The following RGS12 variants were observed in gnomAD, a reference collection of about 807,000 sequenced individuals.
RGS12 encodes regulator of G-protein signaling 12.
A neutral mutation model predicts 120.1 loss-of-function variants in RGS12; 66 were observed. The observed-to-expected ratio is 0.55, with a 90% CI of 0.45 to 0.67. RGS12 has a LOEUF of 0.67. Among genes scored for constraint, RGS12 ranks in the 30% least tolerant of loss-of-function variants. The pLI, the probability that RGS12 is intolerant of heterozygous loss-of-function variation, is 0.00. For missense variants in RGS12, 1,859 were observed against 1,957.7 expected (o/e 0.95, Z 0.95); for synonymous variants, 827 against 804.7 (o/e 1.03, Z -0.47).
At chr4:3,417,696 G>C in intron 9 of RGS12, 155 bp downstream of exon 9, 1 of 745,612 alleles carries the variant, frequency 1.3e-6, no homozygotes, top group Non-Finnish European at 2.1e-6. Flanking sequence ...AATAAGGAAT[G>C]CCGCTGTGTC....
At chr4:3,394,834 C>T (rs1481428096) in intron 4 of RGS12, among the ~76,000 whole-genome samples, 2 of 152,032 alleles carry the variant, frequency 1.3e-5, no homozygotes, top group East Asian at 3.9e-4. Context: ...CCGGAAGGGA[C>T]CTCTCACCCG....
intron 1 of RGS12, among the ~76,000 whole-genome samples, chr4:3,297,197 C>T (rs566047162): frequency 7.2e-5 from 11 of 152,192 alleles, no homozygotes; most frequent in African/African-American, 2.4e-4. Context: ...ATACCCGATA[C>T]GCATACACAC....
intron 13 of RGS12, among the ~76,000 whole-genome samples, chr4:3,424,743 G>T (rs770000264): frequency 6.6e-5 from 10 of 152,180 alleles, no homozygotes; most frequent in Non-Finnish European, 1.0e-4. Context: ...TTCCTTGGAC[G>T]CTGTCTCCTG....
intron 3 of RGS12, among the ~76,000 whole-genome samples, chr4:3,351,648 G>A (rs959725505): frequency 6.6e-6 from 1 of 152,164 alleles, no homozygotes; most frequent in African/African-American, 2.4e-5. Flanking sequence ...AGAAAAAAGA[G>A]ATGGAGAGTT....
In RGS12 at chr4:3,413,027, C is replaced by A. The variant is rs111370783; in HGVS notation, c.2021-1045C>A. ...GCTCGCGTCAGGAGGGACGGGGGCGCCCCCACACTGCTCGCGTCAGGAGGG... is the reference window on the plus strand; with the variant it reads ...GCTCGCGTCAGGAGGGACGGGGGCGACCCCACACTGCTCGCGTCAGGAGGG... On this transcript the variant is annotated intron_variant, in intron 4 of 17. Transcript: ENST00000336727. 7.5e-5 allele frequency: 8 copies of A among 107,004 alleles called. 2 individuals are homozygous for A. The highest frequency in any genetic ancestry group is 9.8e-5 in the Non-Finnish European group (5 of 50,856). The allele number at this position is 107,004 out of a possible 1,614,324, so 6.6% of individuals were successfully genotyped here.
In RGS12 at chr4:3,336,545, A is replaced by G. The variant is rs200338521; in HGVS notation, c.1882-6392A>G. On this transcript the variant is annotated intron_variant, in intron 2 of 17. Transcript: ENST00000336727. ...TGTACAGTCTATTTGTTCAGTAAGT[A>G]TTCATTGAGTACTTGGTATGCACCA... is the stretch of plus-strand genomic sequence containing the variant. Among the ~76,000 whole-genome samples, 37 of 152,216 alleles carry G rather than the reference A, an allele frequency of 2.4e-4. 1 individual carries two copies. In the South Asian group the frequency reaches 3.5e-3, roughly 14 times the overall value.
At position 3,430,916 on chromosome 4, in the gene RGS12, C is replaced by T; in HGVS notation, c.4075C>T (p.Pro1359Ser). Reference protein sequence around the residue: ...SSPNSTLLPPPSTPQEVPGPS... With the variant: ...SSPNSTLLPPSSTPQEVPGPS... ...CCCCAACAGCACCTTGCTGCCGCCG[C>T]CCTCCACCCCCCAGGAAGTGCCAGG... is the stretch of plus-strand genomic sequence containing the variant. The change falls in exon 17 of 18, where the codon CCC becomes TCC. Residue 1359 changes from proline (P) to serine (S), a missense_variant. Pro to Ser is a moderately conservative substitution (Grantham distance 74). This residue lies in a region of RGS12 where 517 missense variants were observed against 488.5 expected (regional missense o/e 1.06). Transcript: ENST00000336727. 6.2e-7 allele frequency: 1 copy of T among 1,612,766 alleles called. No homozygotes were observed. Among genetic ancestry groups the T allele is most frequent in the Non-Finnish European group, 8.5e-7 (1 of 1,179,936 alleles).
chr4:3,316,276 C>G lies in RGS12; in HGVS notation c.106C>G (p.Leu36Val). The G allele has an allele frequency of 6.2e-7, 1 of 1,613,984 alleles. No homozygotes were observed. The highest frequency in any genetic ancestry group is 1.1e-5 in the South Asian group (1 of 91,084). The change falls in exon 2 of 18, where the codon CTT becomes GTT. Residue 36 changes from leucine to valine, a missense_variant. By Grantham distance (32) the Leu-to-Val change is conservative. Coordinates refer to ENST00000336727, the MANE Select transcript of RGS12 (RefSeq NM_001394154.1). ...GGGGAGGGCCGGCTACGGATTCACG[C>G]TTTCGGGACAGGCACCCTGTGTGCT... ...ARGRAGYGFT[L>V]SGQAPCVLSC...
chr4:3,304,913 C>A (rs916542141), intron 1 of RGS12, among the ~76,000 whole-genome samples: 3 of 152,264 alleles, frequency 2.0e-5, no homozygotes, highest in Non-Finnish European at 2.9e-5. Context: ...GATCAGGAGT[C>A]CTGCCTGGTG....
At chr4:3,363,338 C>T (rs1715919951) in intron 3 of RGS12, among the ~76,000 whole-genome samples, 1 of 152,126 alleles carries the variant, frequency 6.6e-6, no homozygotes, top group Admixed American at 6.5e-5. Flanking sequence ...CATCAAAGAG[C>T]TTCAGCTGTT....
intron 4 of RGS12, among the ~76,000 whole-genome samples, chr4:3,408,692 A>T (rs999528716): frequency 1.3e-5 from 2 of 152,140 alleles, no homozygotes; most frequent in Admixed American, 6.5e-5. Flanking sequence ...GAGCTGGGTC[A>T]TGAGTTTTCT....
intron 3 of RGS12, 34 bp from the exon 4 acceptor site, chr4:3,386,380 CTT>C: frequency 6.2e-7 from 1 of 1,603,830 alleles, no homozygotes. Flanking sequence ...TGTCATGAGG[CTT>C]AATTAACTCA....
In RGS12 at chr4:3,439,464, C is replaced by A. The variant is rs200554743; in HGVS notation, c.4124C>A (p.Thr1375Asn). The change falls in exon 18 of 18, where the codon ACC becomes AAC. Residue 1375 changes from threonine (T) to asparagine (N), a missense_variant. Thr to Asn is a moderately conservative substitution (Grantham distance 65, BLOSUM62 0). Transcript: ENST00000336727. ...VPGPSRPGSG[T>N]HGSRDLPVNR... The stretch of plus-strand genomic sequence containing the variant: ...CTTCTCCTTGTGACAGGAAGTGGGA[C>A]CCATGGCAGCCGAGACCTCCCAGTC... The A allele has an allele frequency of 5.0e-6, 8 of 1,612,796 alleles. No homozygotes were observed. The East Asian group carries it at 1.6e-4, about 31-fold the overall frequency.
chr4:3,386,360 C>T (rs1372098035), intron 3 of RGS12, 56 bp from the exon 4 acceptor site: 1 of 1,552,408 alleles, frequency 6.4e-7, no homozygotes, highest in African/African-American at 1.4e-5. Flanking sequence ...CTTTTCGTTT[C>T]CTGGAGTTTT....
intron 2 of RGS12, among the ~76,000 whole-genome samples, chr4:3,341,911 TAGGA>T (rs1471013702): frequency 6.9e-6 from 1 of 144,950 alleles, no homozygotes; most frequent in Non-Finnish European, 1.5e-5. Context: ...ATGGGTGGGG[TAGGA>T]AGGACTTTTC....
intron 2 of RGS12, among the ~76,000 whole-genome samples, chr4:3,334,016 T>G (rs1712175528): frequency 6.6e-6 from 1 of 152,228 alleles, no homozygotes; most frequent in Non-Finnish European, 1.5e-5. Context: ...CTAGATTTAT[T>G]TCTTGGTACC....
At chr4:3,333,281 C>T (rs1162462096) in intron 2 of RGS12, among the ~76,000 whole-genome samples, 4 of 152,238 alleles carry the variant, frequency 2.6e-5, no homozygotes, top group African/African-American at 7.2e-5. Context: ...GATCTCCTGA[C>T]CTCGTGATCC....
chr4:3,356,540 C>T (rs1219285692), intron 3 of RGS12, among the ~76,000 whole-genome samples: 1 of 151,908 alleles, frequency 6.6e-6, no homozygotes, highest in Non-Finnish European at 1.5e-5. Context: ...CCATTCCCCC[C>T]ACCCCCAACC....
At chr4:3,405,332 G>A (rs774124622) in intron 4 of RGS12, among the ~76,000 whole-genome samples, 6 of 152,218 alleles carry the variant, frequency 3.9e-5, no homozygotes, top group Non-Finnish European at 8.8e-5. Flanking sequence ...CTGACACCAC[G>A]TGCCTCCTCA....
Sources: gnomAD v4.1 joint callset for allele counts (sites outside exome capture counted in the v4.1 genomes callset) on GRCh38, gnomAD v4.1.1 for gene constraint, gnomAD v4.1.1 regional missense constraint, MANE v1.5 for transcripts, NCBI Gene and HGNC (gene_info 2026-07-23, HGNC 2026-07-21) for gene names.